GRIK2: variants seen among roughly 807,000 people sequenced by gnomAD.
GRIK2 encodes the protein glutamate receptor ionotropic, kainate 2.
In GRIK2, 32 loss-of-function variants were observed where a neutral mutation model predicts 100.3. The ratio of observed to expected loss-of-function variants is 0.32; its 90% CI spans 0.24 to 0.43. GRIK2 has a LOEUF of 0.43. Among genes scored for constraint, GRIK2 ranks in the 20% least tolerant of loss-of-function variants. The pLI, the probability that GRIK2 is intolerant of heterozygous loss-of-function variation, is 1.00. For missense variants in GRIK2, 843 were observed against 1,114.9 expected (o/e 0.76, Z 3.47); for synonymous variants, 417 against 389.4 (o/e 1.07, Z -0.83).
chr6:101,567,351 T>C (rs1471940040), intron 2 of GRIK2, among the ~76,000 whole-genome samples: 1 of 151,950 alleles, frequency 6.6e-6, no homozygotes, highest in Non-Finnish European at 1.5e-5. Flanking sequence ...TTCCAATGCA[T>C]CTTACAAGAT....
intron 5 of GRIK2, among the ~76,000 whole-genome samples, chr6:101,678,689 G>T (rs529163651): frequency 1.8e-4 from 27 of 152,284 alleles, no homozygotes; most frequent in Admixed American, 1.7e-3. Flanking sequence ...AACATTCACT[G>T]ATGTTGGAAC....
At chr6:101,902,939 A>G (rs556012239) in intron 12 of GRIK2, among the ~76,000 whole-genome samples, 1 of 152,016 alleles carries the variant, frequency 6.6e-6, no homozygotes, top group South Asian at 2.1e-4. Context: ...GTCTCAAATT[A>G]GACAAAATTG....
At chr6:101,828,900 C>T (rs1047241173) in intron 10 of GRIK2, among the ~76,000 whole-genome samples, 1 of 151,980 alleles carries the variant, frequency 6.6e-6, no homozygotes, top group Non-Finnish European at 1.5e-5. Context: ...AGGACTCTTC[C>T]CTAACTCATT....
intron 14 of GRIK2, among the ~76,000 whole-genome samples, chr6:101,956,541 C>T (rs1413823803): frequency 3.3e-5 from 5 of 151,922 alleles, no homozygotes; most frequent in Non-Finnish European, 7.4e-5. Flanking sequence ...TCCCAACCTC[C>T]TACCTTTTCA....
intron 12 of GRIK2, chr6:101,891,732 G>GA (rs200167681): frequency 0.015 from 3,383 of 218,562 alleles, 43 homozygotes; most frequent in Middle Eastern, 0.035. Context: ...CTGTACAGTA[G>GA]AGCTTATTAA....
At chr6:101,719,952 A>G (rs927588358) in intron 7 of GRIK2, among the ~76,000 whole-genome samples, 5 of 152,038 alleles carry the variant, frequency 3.3e-5, no homozygotes, top group Non-Finnish European at 7.4e-5. Context: ...AAAAAAGATG[A>G]GAGAGAAAGA....
intron 2 of GRIK2, among the ~76,000 whole-genome samples, chr6:101,489,543 T>C (rs752948373): frequency 2.0e-5 from 3 of 146,564 alleles, no homozygotes; most frequent in Non-Finnish European, 4.5e-5. Flanking sequence ...TTGCCAACTA[T>C]GATAACATAG....
chr6:101,505,290 C>T (rs2128275781), intron 2 of GRIK2, among the ~76,000 whole-genome samples: 1 of 152,158 alleles, frequency 6.6e-6, no homozygotes, highest in South Asian at 2.1e-4. Flanking sequence ...TTTGTTGCTG[C>T]CTTTGAAAAT....
chr6:101,916,082 A>G (rs1789085844), intron 12 of GRIK2, among the ~76,000 whole-genome samples: 1 of 151,536 alleles, frequency 6.6e-6, no homozygotes, highest in Non-Finnish European at 1.5e-5. Flanking sequence ...GTTAAAATAT[A>G]GTACAAACAT....
chr6:101,867,779 A>T (rs1180256208), intron 11 of GRIK2, among the ~76,000 whole-genome samples: 2 of 150,350 alleles, frequency 1.3e-5, no homozygotes, highest in Admixed American at 6.6e-5. Flanking sequence ...TTAAATTTAA[A>T]TTTTTTTTTG....
At chr6:101,600,123 C>A (rs1012176871) in intron 2 of GRIK2, among the ~76,000 whole-genome samples, 1 of 151,732 alleles carries the variant, frequency 6.6e-6, no homozygotes, top group Non-Finnish European at 1.5e-5. Context: ...ATATAGCTAG[C>A]CAGCTATCCC....
chr6:101,703,622 A>G (rs1037843768), intron 7 of GRIK2, among the ~76,000 whole-genome samples: 2 of 151,856 alleles, frequency 1.3e-5, no homozygotes, highest in Admixed American at 6.6e-5. Context: ...TTAGGATACC[A>G]TAGAAATGAA....
At chr6:101,442,298 G>A (rs992292721) in intron 2 of GRIK2, among the ~76,000 whole-genome samples, 1 of 152,118 alleles carries the variant, frequency 6.6e-6, no homozygotes, top group African/African-American at 2.4e-5. Context: ...ACAGCAAAGT[G>A]AGATGGGGTC....
intron 2 of GRIK2, among the ~76,000 whole-genome samples, chr6:101,513,034 G>T (rs935936833): frequency 6.6e-6 from 1 of 151,754 alleles, no homozygotes; most frequent in African/African-American, 2.4e-5. Context: ...AATATTTCAA[G>T]AGATTTATTC....
chr6:101,524,336 A>G (rs1048955750), intron 2 of GRIK2, among the ~76,000 whole-genome samples: 4 of 152,094 alleles, frequency 2.6e-5, no homozygotes, highest in African/African-American at 7.2e-5. Context: ...TTACCATAGC[A>G]TATTCGAGTC....
intron 14 of GRIK2, among the ~76,000 whole-genome samples, chr6:102,002,536 G>A (rs2114267191): frequency 6.7e-6 from 1 of 149,924 alleles, no homozygotes; most frequent in South Asian, 2.1e-4. Flanking sequence ...ATGAGTCACT[G>A]AGAACATATT....
chr6:101,418,959 T>C (rs1468678669), intron 2 of GRIK2, among the ~76,000 whole-genome samples: 2 of 152,240 alleles, frequency 1.3e-5, no homozygotes, highest in East Asian at 3.9e-4. Context: ...CTGTTAATAA[T>C]ATTTTTAATA....
chr6:101,467,009 G>T (rs1349294810), intron 2 of GRIK2, among the ~76,000 whole-genome samples: 2 of 152,072 alleles, frequency 1.3e-5, no homozygotes, highest in Non-Finnish European at 2.9e-5. Flanking sequence ...CATGATAGTA[G>T]CTGTCTTAGA....
intron 10 of GRIK2, among the ~76,000 whole-genome samples, chr6:101,836,649 A>G (rs965099315): frequency 2.2e-5 from 1 of 45,584 alleles, no homozygotes; most frequent in Non-Finnish European, 5.8e-5. Flanking sequence ...ATGTGTATAT[A>G]TATATATATA....
Sources: allele counts gnomAD v4.1 joint callset (sites outside exome capture counted in the v4.1 genomes callset), GRCh38; gene constraint gnomAD v4.1.1; transcripts MANE v1.5; gene names NCBI Gene and HGNC (gene_info 2026-07-23, HGNC 2026-07-21).